The following DENND1A variants were observed in gnomAD, a reference collection of about 807,000 sequenced individuals.
DENND1A encodes the protein DENN domain containing 1A, also known as DENN domain-containing protein 1A.
DENND1A carries 51 observed loss-of-function variants against 113.7 expected under a neutral mutation model. The ratio of observed to expected loss-of-function variants is 0.45; its 90% CI spans 0.36 to 0.57. DENND1A has a LOEUF of 0.57. Ranked by LOEUF, DENND1A falls within the 20% of genes least tolerant of loss-of-function variation. The pLI is 0.00. For synonymous variants in DENND1A, 565 were observed against 570.8 expected (o/e 0.99, Z 0.14); for missense variants, 1,258 against 1,395.9 (o/e 0.90, Z 1.57).
At chr9:123,452,543 G>A (rs1419786513) in intron 16 of DENND1A, among the ~76,000 whole-genome samples, 196 bp from the exon 17 acceptor site, 1 of 79,690 alleles carries the variant, frequency 1.3e-5, no homozygotes, top group Non-Finnish European at 2.7e-5. Flanking sequence ...GGGAGCTGTG[G>A]GTGGGTGTGT....
At chr9:123,913,857 A>G (rs1022010414) in intron 1 of DENND1A, among the ~76,000 whole-genome samples, 1 of 150,674 alleles carries the variant, frequency 6.6e-6, no homozygotes, top group Non-Finnish European at 1.5e-5. Context: ...GTGAGCTGAG[A>G]TCACGCCATT....
At chr9:123,919,839 A>G (rs1855899120) in intron 1 of DENND1A, among the ~76,000 whole-genome samples, 1 of 149,006 alleles carries the variant, frequency 6.7e-6, no homozygotes. Flanking sequence ...CCGAGATTGC[A>G]TCACTGCACT....
At chr9:123,884,134 C>A (rs1477551495) in intron 1 of DENND1A, among the ~76,000 whole-genome samples, 1 of 151,998 alleles carries the variant, frequency 6.6e-6, no homozygotes, top group African/African-American at 2.4e-5. Flanking sequence ...CCAAGCAACC[C>A]CCTTAGTTGG....
chr9:123,413,693 A>T (rs1484291888), intron 19 of DENND1A: 3 of 985,330 alleles, frequency 3.0e-6, no homozygotes, highest in Non-Finnish European at 3.6e-6. Flanking sequence ...GCTGGGCGTG[A>T]GGGCTGACCC....
At chr9:123,615,587 G>A (rs951015274) in intron 10 of DENND1A, among the ~76,000 whole-genome samples, 1 of 152,188 alleles carries the variant, frequency 6.6e-6, no homozygotes, top group Non-Finnish European at 1.5e-5. Flanking sequence ...GTCACATGGT[G>A]GCCCCACAGG....
At chr9:123,397,964 A>T (rs2043220361) in intron 21 of DENND1A, among the ~76,000 whole-genome samples, 1 of 152,152 alleles carries the variant, frequency 6.6e-6, no homozygotes, top group African/African-American at 2.4e-5. Context: ...GTGACTGGAG[A>T]GTGTTCAGTG....
intron 1 of DENND1A, among the ~76,000 whole-genome samples, chr9:123,914,784 G>A (rs979684578): frequency 6.6e-6 from 1 of 151,832 alleles, no homozygotes; most frequent in African/African-American, 2.4e-5. Context: ...AACTACTAGA[G>A]CAAGAACTCA....
At chr9:123,451,577 G>A (rs770918365) in intron 17 of DENND1A, among the ~76,000 whole-genome samples, 14 of 152,170 alleles carry the variant, frequency 9.2e-5, no homozygotes, top group Non-Finnish European at 1.6e-4. Flanking sequence ...CCACGAACAC[G>A]CTTCAGGAAA....
intron 20 of DENND1A, 29 bp from the exon 21 acceptor site, chr9:123,403,519 A>G: frequency 4.4e-6 from 7 of 1,599,672 alleles, no homozygotes; most frequent in South Asian, 1.1e-5. Context: ...GAGAGCCCCA[A>G]GAAGGAGTGA....
intron 13 of DENND1A, among the ~76,000 whole-genome samples, chr9:123,546,331 C>A (rs371077215): frequency 4.6e-5 from 7 of 151,786 alleles, no homozygotes; most frequent in African/African-American, 7.3e-5. Flanking sequence ...GGCAGATCAC[C>A]AGGTCAGGAG....
intron 2 of DENND1A, among the ~76,000 whole-genome samples, chr9:123,798,725 CAAA>C (rs59256751): frequency 0.058 from 4,078 of 70,082 alleles, 150 homozygotes; most frequent in African/African-American, 0.16. Context: ...GTGCTGGAGG[CAAA>C]AAAAAAAAAA....
chr9:123,731,299 G>A (rs2068152120), intron 5 of DENND1A, among the ~76,000 whole-genome samples: 1 of 152,088 alleles, frequency 6.6e-6, no homozygotes, highest in Non-Finnish European at 1.5e-5. Context: ...GAAGATTAAT[G>A]CTATCTGATT....
chr9:123,806,942 A>T (rs1195432394), intron 2 of DENND1A, among the ~76,000 whole-genome samples: 1 of 152,226 alleles, frequency 6.6e-6, no homozygotes, highest in Non-Finnish European at 1.5e-5. Context: ...TATCTGAAGG[A>T]AATAGTCTGA....
chr9:123,475,715 C>T (rs1044042716), intron 13 of DENND1A, among the ~76,000 whole-genome samples: 1 of 152,254 alleles, frequency 6.6e-6, no homozygotes, highest in Non-Finnish European at 1.5e-5. Context: ...AAAAATATTG[C>T]TAACGTGGGC....
At chr9:123,438,512 G>C (rs1372002459) in intron 19 of DENND1A, among the ~76,000 whole-genome samples, 2 of 152,206 alleles carry the variant, frequency 1.3e-5, no homozygotes, top group African/African-American at 4.8e-5. Context: ...GCTGTGGGTA[G>C]GCTCTGCGGC....
chr9:123,874,470 G>A (rs191008819), intron 2 of DENND1A, among the ~76,000 whole-genome samples: 178 of 152,138 alleles, frequency 1.2e-3, no homozygotes, highest in African/African-American at 4.1e-3. Flanking sequence ...AGATATTCAC[G>A]AGGCCAATAA....
At chr9:123,647,415 G>A (rs1394093450) in intron 9 of DENND1A, among the ~76,000 whole-genome samples, 4 of 152,142 alleles carry the variant, frequency 2.6e-5, no homozygotes. Context: ...GACCTGCAAA[G>A]GCGTATTTAT....
intron 1 of DENND1A, among the ~76,000 whole-genome samples, chr9:123,901,101 C>T (rs1851544229): frequency 6.6e-6 from 1 of 152,160 alleles, no homozygotes; most frequent in African/African-American, 2.4e-5. Context: ...AATCTGGAAG[C>T]ATGGAGAGCA....
chr9:123,451,269 T>C (rs2047701266), intron 17 of DENND1A, among the ~76,000 whole-genome samples: 1 of 152,208 alleles, frequency 6.6e-6, no homozygotes, highest in East Asian at 1.9e-4. Context: ...GTGGTTCTGC[T>C]GGCAGCCACC....
Sources: gnomAD v4.1 joint callset for allele counts (sites outside exome capture counted in the v4.1 genomes callset) on GRCh38, gnomAD v4.1.1 for gene constraint, MANE v1.5 for transcripts, NCBI Gene and HGNC (gene_info 2026-07-23, HGNC 2026-07-21) for gene names.